SPIDR: variants seen among roughly 807,000 people sequenced by gnomAD.
The protein encoded by SPIDR is DNA repair-scaffolding protein.
A neutral mutation model predicts 104.6 loss-of-function variants in SPIDR; 93 were observed. That is an observed-to-expected ratio of 0.89 (90% CI 0.75 to 1.06). The LOEUF is 1.06. SPIDR is among the 50% of genes least tolerant of loss of function. The probability of loss-of-function intolerance (pLI) is 0.00; values close to 1 mark genes in which losing one functional copy is unlikely to be tolerated. For missense variants in SPIDR, 1,154 were observed against 1,111.2 expected, an observed-to-expected ratio of 1.04 and a Z score of -0.55; for synonymous variants, 431 against 416.9, an observed-to-expected ratio of 1.03 and a Z score of -0.41.
chr8:47,406,765 C>T (rs2062812966), intron 6 of SPIDR, among the ~76,000 whole-genome samples: 1 of 152,138 alleles, frequency 6.6e-6, no homozygotes, highest in South Asian at 2.1e-4. Context: ...TGCACTAAGT[C>T]CATTCTGGTT....
At chr8:47,432,140 T>C (rs558125749) in intron 7 of SPIDR, among the ~76,000 whole-genome samples, 2 of 152,314 alleles carry the variant, frequency 1.3e-5, no homozygotes, top group Admixed American at 1.3e-4. Context: ...AGCATATCAG[T>C]GCTATGTGTT....
chr8:47,396,745 T>A, intron 6 of SPIDR, 119 bp downstream of exon 6: 1 of 1,062,538 alleles, frequency 9.4e-7, no homozygotes. Flanking sequence ...TGGAGCTGAT[T>A]AATGGAATGT....
At position 47,427,306 on chromosome 8, in the gene SPIDR, G is replaced by GT. The variant is rs781864418; in HGVS notation, c.878-13005dup. On this transcript the variant is annotated intron_variant, in intron 7 of 19. Coordinates refer to ENST00000297423, the MANE Select transcript of SPIDR (RefSeq NM_001080394.4). ...ACCATTGGAAAAGGGTTGGGACAGG[G>GT]TTTTTTTTTTTTAAATATGCCTTTT... Among the ~76,000 whole-genome samples the GT allele has an allele frequency of 6.0e-3, 859 of 142,736 alleles. 5 individuals are homozygous for GT. Among genetic ancestry groups the GT allele is most frequent in the African/African-American group, 0.017 (672 of 39,274 alleles). The allele number at this position is 142,736 out of a possible 152,430, so 93.6% of individuals were successfully genotyped here.
chr8:47,721,970 A>G (rs1259640567), intron 16 of SPIDR, among the ~76,000 whole-genome samples: 1 of 152,166 alleles, frequency 6.6e-6, no homozygotes, highest in Non-Finnish European at 1.5e-5. Context: ...TCAGGTGGGG[A>G]AAAAATGACA....
chr8:47,504,929 A>G (rs567777575), intron 8 of SPIDR, among the ~76,000 whole-genome samples: 32 of 152,332 alleles, frequency 2.1e-4, no homozygotes, highest in African/African-American at 6.3e-4. Context: ...TATCAGCAGC[A>G]GACGCTGCAG....
intron 8 of SPIDR, among the ~76,000 whole-genome samples, chr8:47,559,036 C>T: frequency 6.6e-6 from 1 of 152,174 alleles, no homozygotes; most frequent in East Asian, 1.9e-4. Context: ...GTATCTGGCC[C>T]TTATCTGTAG....
chr8:47,700,273 C>G, intron 11 of SPIDR, 130 bp from the exon 12 acceptor site: 1 of 928,960 alleles, frequency 1.1e-6, no homozygotes, highest in East Asian at 2.4e-5. Flanking sequence ...CCCTCTGAAT[C>G]GCCACACATC....
At chr8:47,591,785 AAAAAT>A (rs966582678) in intron 8 of SPIDR, among the ~76,000 whole-genome samples, 35 of 152,290 alleles carry the variant, frequency 2.3e-4, no homozygotes, top group Admixed American at 8.5e-4. Context: ...CCCCCTCAAA[AAAAAT>A]AAAATAAAGA....
At chr8:47,487,393 C>G in intron 8 of SPIDR, among the ~76,000 whole-genome samples, 1 of 152,234 alleles carries the variant, frequency 6.6e-6, no homozygotes, top group Middle Eastern at 3.4e-3. Context: ...TAGACTCCCA[C>G]ACAATAATAA....
intron 10 of SPIDR, among the ~76,000 whole-genome samples, chr8:47,662,487 C>T (rs962360395): frequency 6.6e-6 from 1 of 152,192 alleles, no homozygotes; most frequent in Non-Finnish European, 1.5e-5. Flanking sequence ...TCCTTCCTCT[C>T]AGGCATTTGT....
In SPIDR at chr8:47,511,158, C is replaced by T. The variant is rs112692163; in HGVS notation, c.1097+70616C>T. On this transcript the variant is annotated intron_variant, in intron 8 of 19. Coordinates refer to ENST00000297423, the MANE Select transcript of SPIDR (RefSeq NM_001080394.4). The stretch of plus-strand genomic sequence containing the variant: ...TAAAGCTGGTGGCAGCCATGGCTGG[C>T]CGGGCATCCACAATGAAGAGTTGGA... 3.3e-3 allele frequency: 5,157 copies of T among 1,558,826 alleles called. 150 individuals are homozygous for T. In the African/African-American group the frequency reaches 0.064, roughly 19 times the overall value.
intron 5 of SPIDR, among the ~76,000 whole-genome samples, chr8:47,389,090 A>T (rs1308719829): frequency 2.0e-5 from 3 of 152,218 alleles, no homozygotes; most frequent in African/African-American, 7.2e-5. Context: ...TATTGTATTT[A>T]AACATTAGCA....
At chr8:47,669,403 C>G (rs897886327) in intron 10 of SPIDR, among the ~76,000 whole-genome samples, 2 of 152,158 alleles carry the variant, frequency 1.3e-5, no homozygotes, top group Admixed American at 6.5e-5. Flanking sequence ...GGTGATGACT[C>G]CACCTCGGGC....
rs765003454 is a variant in SPIDR at position 47,735,350 on chromosome 8, TA to T, written c.2651del (p.Asn884IlefsTer7). 1 of 1,613,734 alleles carries T rather than the reference TA, an allele frequency of 6.2e-7. No homozygotes were observed. The highest frequency in any genetic ancestry group is 1.7e-5 in the Admixed American group (1 of 60,010). ...KSVLGKEVGL[L>X]NCFVQSVTAH... Reference sequence around the variant, plus strand: ...GTCCTCGGAAAGGAAGTGGGGTTGTTAAATTGTTTTGTCCAGTCCGTAACCG... The same window carrying T: ...GTCCTCGGAAAGGAAGTGGGGTTGTTAATTGTTTTGTCCAGTCCGTAACCG... On this transcript the variant is annotated frameshift_variant, in exon 20 of 20. Coordinates refer to ENST00000297423, the MANE Select transcript of SPIDR (RefSeq NM_001080394.4). LOFTEE classifies it low-confidence loss of function (END_TRUNC).
intron 8 of SPIDR, among the ~76,000 whole-genome samples, chr8:47,496,486 C>G (rs80176800): frequency 1.3e-5 from 2 of 152,062 alleles, no homozygotes; most frequent in Non-Finnish European, 2.9e-5. Context: ...TGAGATGATT[C>G]TGTTACATTA....
chr8:47,576,555 T>C (rs1251585879), intron 8 of SPIDR, among the ~76,000 whole-genome samples: 1 of 152,170 alleles, frequency 6.6e-6, no homozygotes, highest in East Asian at 1.9e-4. Flanking sequence ...TGCTTCAGCC[T>C]CCCAAGTAGC....
chr8:47,336,848 C>T, intron 5 of SPIDR, among the ~76,000 whole-genome samples: 1 of 152,160 alleles, frequency 6.6e-6, no homozygotes, highest in East Asian at 1.9e-4. Flanking sequence ...AAGGAACTGA[C>T]ATTTTTCTCT....
rs557637932 is a variant in SPIDR at position 47,571,491 on chromosome 8, A to G, written c.1098-24320A>G. Reference sequence around the variant, plus strand: ...AATAAAATGAAAAATAGAATCATATATATCCTACTTCCCTCCCAGAATTGT... The same window carrying G: ...AATAAAATGAAAAATAGAATCATATGTATCCTACTTCCCTCCCAGAATTGT... On this transcript the variant is annotated intron_variant, in intron 8 of 19. Coordinates refer to ENST00000297423, the MANE Select transcript of SPIDR (RefSeq NM_001080394.4). 6.6e-5 allele frequency among the ~76,000 whole-genome samples: 10 copies of G among 152,356 alleles called. No homozygotes were observed. The East Asian group carries it at 1.9e-3, about 29-fold the overall frequency.
At chr8:47,370,717 TGTGATTACAGGCATGAGCCACC>T (rs2057898312) in intron 5 of SPIDR, among the ~76,000 whole-genome samples, 1 of 152,042 alleles carries the variant, frequency 6.6e-6, no homozygotes, top group African/African-American at 2.4e-5. Context: ...CCCAAAGTGC[TGTGATTACAGGCATGAGCCACC>T]GTGCCTGGCC....
Sources: allele counts gnomAD v4.1 joint callset (sites outside exome capture counted in the v4.1 genomes callset), GRCh38; gene constraint gnomAD v4.1.1; transcripts MANE v1.5; gene names NCBI Gene and HGNC (gene_info 2026-07-23, HGNC 2026-07-21).